PHF20: variants seen among roughly 807,000 people sequenced by gnomAD.
The protein encoded by PHF20 is PHD finger protein 20.
PHF20 carries 23 observed loss-of-function variants against 113.5 expected under a neutral mutation model. The observed-to-expected ratio is 0.20, with a 90% CI of 0.15 to 0.29. PHF20 has a LOEUF of 0.29. Among genes scored for constraint, PHF20 ranks in the 10% least tolerant of loss-of-function variants. PHF20 has a pLI of 1.00. For synonymous variants in PHF20, 434 were observed against 457.3 expected (o/e 0.95, Z 0.65); for missense variants, 943 against 1,219.6 (o/e 0.77, Z 3.38).
At chr20:35,839,124 C>T (rs550772462) in intron 2 of PHF20, among the ~76,000 whole-genome samples, 1 of 151,890 alleles carries the variant, frequency 6.6e-6, no homozygotes, top group Admixed American at 6.6e-5. Context: ...GGAGCAGTGG[C>T]TCACACCTGT....
At chr20:35,835,954 A>C (rs2042432324) in intron 2 of PHF20, among the ~76,000 whole-genome samples, 1 of 152,140 alleles carries the variant, frequency 6.6e-6, no homozygotes, top group Non-Finnish European at 1.5e-5. Flanking sequence ...AATAAGATAA[A>C]ATAAAAGAGA....
intron 13 of PHF20, among the ~76,000 whole-genome samples, chr20:35,922,375 C>G (rs752396543): frequency 1.3e-5 from 2 of 152,192 alleles, no homozygotes; most frequent in Non-Finnish European, 2.9e-5. Flanking sequence ...TATTCACCAT[C>G]TAATTAGGAA....
chr20:35,795,528 C>T (rs200498740), intron 1 of PHF20, among the ~76,000 whole-genome samples: 6 of 152,090 alleles, frequency 3.9e-5, no homozygotes, highest in African/African-American at 9.7e-5. Flanking sequence ...TGAGCCACTG[C>T]GCCCAGCTGA....
At chr20:35,793,640 C>G (rs2041604013) in intron 1 of PHF20, among the ~76,000 whole-genome samples, 1 of 151,842 alleles carries the variant, frequency 6.6e-6, no homozygotes, top group Admixed American at 6.6e-5. Context: ...ATAGTCCTTT[C>G]CATGTCGCTG....
At chr20:35,800,889 CTA>C (rs2041768369) in intron 1 of PHF20, among the ~76,000 whole-genome samples, 1 of 152,062 alleles carries the variant, frequency 6.6e-6, no homozygotes, top group Non-Finnish European at 1.5e-5. Flanking sequence ...CGAGCGTTTG[CTA>C]TGTTTCTCAG....
At chr20:35,931,500 G>A (rs1214282801) in intron 15 of PHF20, 56 bp downstream of exon 15, 2 of 1,321,058 alleles carry the variant, frequency 1.5e-6, no homozygotes, top group African/African-American at 1.5e-5. Context: ...TCTGGGGGCT[G>A]AGTAAATCTG....
intron 4 of PHF20, chr20:35,851,064 T>C (rs2042723107): frequency 2.9e-6 from 1 of 342,250 alleles, no homozygotes; most frequent in Non-Finnish European, 5.6e-6. Context: ...GAATCTCCCC[T>C]TTTTTTCACA....
chr20:35,890,751 C>T (rs1331494692), intron 9 of PHF20, among the ~76,000 whole-genome samples: 6 of 152,080 alleles, frequency 3.9e-5, no homozygotes, highest in Admixed American at 3.9e-4. Flanking sequence ...GGCATGGTGG[C>T]ACACATCTCT....
chr20:35,891,601 T>G (rs1353265399), intron 9 of PHF20, among the ~76,000 whole-genome samples: 1 of 152,122 alleles, frequency 6.6e-6, no homozygotes, highest in Non-Finnish European at 1.5e-5. Flanking sequence ...GGTTTGCATG[T>G]GGGAACAACA....
intron 10 of PHF20, among the ~76,000 whole-genome samples, chr20:35,903,484 G>A (rs1188716352): frequency 6.6e-6 from 1 of 152,060 alleles, no homozygotes; most frequent in Non-Finnish European, 1.5e-5. Flanking sequence ...CCCTCTCAGT[G>A]AGGGCACAGT....
chr20:35,804,489 G>C (rs1413838211), intron 2 of PHF20, among the ~76,000 whole-genome samples: 1 of 152,006 alleles, frequency 6.6e-6, no homozygotes, highest in Non-Finnish European at 1.5e-5. Flanking sequence ...ACCCTCCTCG[G>C]TCTCCCAAAG....
At chr20:35,944,438 A>G (rs2056049397) in intron 17 of PHF20, among the ~76,000 whole-genome samples, 1 of 152,202 alleles carries the variant, frequency 6.6e-6, no homozygotes, top group African/African-American at 2.4e-5. Context: ...ACTAGATCCA[A>G]GGTAGTTAGG....
chr20:35,822,211 G>A (rs554920802), intron 2 of PHF20, among the ~76,000 whole-genome samples: 1 of 152,170 alleles, frequency 6.6e-6, no homozygotes, highest in South Asian at 2.1e-4. Context: ...AGACCAACCT[G>A]TGCAACATAG....
In PHF20 at chr20:35,926,301, A is replaced by G. The variant is rs371015372; in HGVS notation, c.2005-1479A>G. Among the ~76,000 whole-genome samples, 654 of 133,058 alleles carry G rather than the reference A, an allele frequency of 4.9e-3. 2 individuals are homozygous for G. The highest frequency in any genetic ancestry group is 0.018 in the African/African-American group (623 of 34,236). The allele number at this position is 133,058 out of a possible 152,430, so 87.3% of individuals were successfully genotyped here. On this transcript the variant is annotated intron_variant, in intron 13 of 17. Coordinates refer to ENST00000374012, the MANE Select transcript of PHF20 (RefSeq NM_016436.5). ...GGCCCAGGTGGGAGTGCAGTGGCGC[A>G]ATCTCGGCTCACTGCAAGCTCCGCC... is the stretch of plus-strand genomic sequence containing the variant.
chr20:35,800,517 T>C (rs2041759967), intron 1 of PHF20, among the ~76,000 whole-genome samples: 1 of 152,180 alleles, frequency 6.6e-6, no homozygotes, highest in Non-Finnish European at 1.5e-5. Context: ...ACGCCTGTAA[T>C]ACCAGCACTT....
At position 35,800,482 on chromosome 20, in the gene PHF20, T is replaced by A. The variant is rs534640452; in HGVS notation, c.-32-1009T>A. 6.6e-5 allele frequency among the ~76,000 whole-genome samples: 10 copies of A among 152,174 alleles called. No homozygotes were observed. The South Asian group carries it at 2.1e-3, about 32-fold the overall frequency. The stretch of plus-strand genomic sequence containing the variant: ...AAATATACATAGATCAAAGAAAGTA[T>A]AAACAATTCTGGGCGCAGTGGTTCA... On this transcript the variant is annotated intron_variant, in intron 1 of 17. Coordinates refer to ENST00000374012, the MANE Select transcript of PHF20 (RefSeq NM_016436.5).
chr20:35,853,818 G>A (rs1384752236), intron 4 of PHF20, among the ~76,000 whole-genome samples: 1 of 151,068 alleles, frequency 6.6e-6, no homozygotes, highest in Non-Finnish European at 1.5e-5. Context: ...GCAGTGGCGC[G>A]ATGTCAGATC....
At chr20:35,913,906 T>G in intron 11 of PHF20, 127 bp from the exon 12 acceptor site, 1 of 840,834 alleles carries the variant, frequency 1.2e-6, no homozygotes, top group Non-Finnish European at 1.9e-6. Flanking sequence ...CACACCTCTT[T>G]TTGGTTGAAT....
intron 9 of PHF20, among the ~76,000 whole-genome samples, chr20:35,878,129 A>G (rs1051789844): frequency 3.9e-5 from 6 of 151,986 alleles, no homozygotes; most frequent in African/African-American, 1.5e-4. Context: ...TTAGTTTGGG[A>G]AATTGTGTGT....
Sources: gnomAD v4.1 joint callset for allele counts (sites outside exome capture counted in the v4.1 genomes callset) on GRCh38, gnomAD v4.1.1 for gene constraint, MANE v1.5 for transcripts, NCBI Gene and HGNC (gene_info 2026-07-23, HGNC 2026-07-21) for gene names.